Variants in FSTL4 observed in about 807,000 individuals in gnomAD.
The protein encoded by FSTL4 is follistatin-related protein 4.
Under a neutral mutation model 78.2 loss-of-function variants are expected in FSTL4, and 28 were observed. The ratio of observed to expected loss-of-function variants is 0.36; its 90% CI spans 0.27 to 0.49. The LOEUF is 0.49. FSTL4 is among the 20% of genes least tolerant of loss of function. The pLI is 0.98. For missense variants in FSTL4, 922 were observed against 1,084.9 expected, an observed-to-expected ratio of 0.85 and a Z score of 2.11; for synonymous variants, 422 against 440.5, an observed-to-expected ratio of 0.96 and a Z score of 0.53.
intron 3 of FSTL4, among the ~76,000 whole-genome samples, chr5:133,537,869 A>G (rs955910319): frequency 2.2e-4 from 33 of 151,938 alleles, no homozygotes; most frequent in Non-Finnish European, 8.8e-5. Flanking sequence ...ACACATATAT[A>G]TATAAATATA....
intron 3 of FSTL4, among the ~76,000 whole-genome samples, chr5:133,529,047 C>A (rs823980): frequency 1.3e-5 from 2 of 151,676 alleles, no homozygotes; most frequent in Admixed American, 6.6e-5. Context: ...GGATGCTGAT[C>A]CCCAGGGTAA....
chr5:133,349,315 G>GTC (rs1754772076), intron 4 of FSTL4, among the ~76,000 whole-genome samples: 1 of 151,908 alleles, frequency 6.6e-6, no homozygotes, highest in Non-Finnish European at 1.5e-5. Context: ...GTGTGTGTGT[G>GTC]TGTGTGTGTG....
intron 6 of FSTL4, among the ~76,000 whole-genome samples, chr5:133,289,342 T>C (rs978502325): frequency 6.6e-6 from 1 of 152,230 alleles, no homozygotes; most frequent in African/African-American, 2.4e-5. Flanking sequence ...TGTCCAAATA[T>C]ATCCCACCTT....
intron 3 of FSTL4, among the ~76,000 whole-genome samples, chr5:133,443,319 C>T (rs1001026537): frequency 3.9e-5 from 6 of 152,242 alleles, no homozygotes; most frequent in African/African-American, 1.4e-4. Context: ...GAAATTGCAA[C>T]ATTTAAGGAT....
At chr5:133,631,120 A>G in the FSTL4 span, among the ~76,000 whole-genome samples, 3 of 152,306 alleles carry the variant, frequency 2.0e-5, no homozygotes, top group African/African-American at 7.2e-5. Context: ...ACCAAAAACA[A>G]TGGCAACAAA....
chr5:133,477,219 A>G (rs1757942033), intron 3 of FSTL4, among the ~76,000 whole-genome samples: 1 of 152,246 alleles, frequency 6.6e-6, no homozygotes, highest in Non-Finnish European at 1.5e-5. Flanking sequence ...GAAAAAGCTT[A>G]AAATATATTC....
chr5:133,578,472 A>G (rs987971536), intron 2 of FSTL4, among the ~76,000 whole-genome samples: 7 of 152,272 alleles, frequency 4.6e-5, no homozygotes, highest in Non-Finnish European at 7.3e-5. Context: ...AGTTCTGTCC[A>G]GGGCTTTCTG....
chr5:133,600,421 A>G (rs980969019), intron 2 of FSTL4, among the ~76,000 whole-genome samples: 39 of 146,622 alleles, frequency 2.7e-4, no homozygotes, highest in Non-Finnish European at 5.3e-4. Flanking sequence ...TGTAGGATAA[A>G]GGGGGGGGGG....
chr5:133,212,811 C>T (rs530917107), intron 13 of FSTL4, among the ~76,000 whole-genome samples: 15 of 151,734 alleles, frequency 9.9e-5, no homozygotes, highest in African/African-American at 3.4e-4. Context: ...ACAAAGAATG[C>T]CATATGCACA....
the FSTL4 span, among the ~76,000 whole-genome samples, chr5:133,767,258 A>T: frequency 6.6e-6 from 1 of 152,180 alleles, no homozygotes; most frequent in African/African-American, 2.4e-5. Flanking sequence ...TCATTCATTT[A>T]TCGAGAGTGG....
chr5:133,382,413 C>T (rs1437950717), intron 4 of FSTL4, among the ~76,000 whole-genome samples: 6 of 152,204 alleles, frequency 3.9e-5, no homozygotes, highest in Non-Finnish European at 5.9e-5. Flanking sequence ...TAATTTCCAC[C>T]TACTTGTGAT....
chr5:133,496,275 A>G (rs1347191476), intron 3 of FSTL4, among the ~76,000 whole-genome samples: 1 of 152,246 alleles, frequency 6.6e-6, no homozygotes, highest in Non-Finnish European at 1.5e-5. Context: ...AAACAAAGAA[A>G]GCAATCTTGT....
chr5:133,372,271 A>ATGTATGTATCTG (rs1755327769), intron 4 of FSTL4, among the ~76,000 whole-genome samples: 1 of 141,638 alleles, frequency 7.1e-6, no homozygotes, highest in Non-Finnish European at 1.6e-5. Flanking sequence ...GTATGTATGT[A>ATGTATGTATCTG]TCTATCTATC....
intron 6 of FSTL4, among the ~76,000 whole-genome samples, chr5:133,262,757 C>A (rs912566006): frequency 6.6e-6 from 1 of 152,178 alleles, no homozygotes; most frequent in Non-Finnish European, 1.5e-5. Context: ...CTCCAAGAGG[C>A]CCCCAGCTGA....
chr5:133,551,846 G>T (rs184696476), intron 3 of FSTL4, among the ~76,000 whole-genome samples: 3 of 152,120 alleles, frequency 2.0e-5, no homozygotes. Flanking sequence ...TGCAATATAC[G>T]CGGAATGTCT....
At chr5:133,589,749 C>T (rs1255061976) in intron 2 of FSTL4, among the ~76,000 whole-genome samples, 2 of 152,076 alleles carry the variant, frequency 1.3e-5, no homozygotes, top group African/African-American at 4.8e-5. Context: ...AGCTCAATGT[C>T]ATCAAATGTC....
chr5:133,672,904 C>T, the FSTL4 span, among the ~76,000 whole-genome samples: 1 of 152,144 alleles, frequency 6.6e-6, no homozygotes, highest in South Asian at 2.1e-4. Flanking sequence ...GACATGTGCC[C>T]AAGACGGTCA....
chr5:133,696,309 C>G, the FSTL4 span, among the ~76,000 whole-genome samples: 1 of 152,238 alleles, frequency 6.6e-6, no homozygotes, highest in East Asian at 1.9e-4. Flanking sequence ...GTCTGGGGCT[C>G]TGAGCTTTGC....
the FSTL4 span, among the ~76,000 whole-genome samples, chr5:133,746,556 A>G: frequency 6.6e-6 from 1 of 152,200 alleles, no homozygotes; most frequent in East Asian, 1.9e-4. Context: ...CTGGATAGAA[A>G]AAATAATTTT....
Sources: allele counts gnomAD v4.1 joint callset (sites outside exome capture counted in the v4.1 genomes callset), GRCh38; gene constraint gnomAD v4.1.1; transcripts MANE v1.5; gene names NCBI Gene and HGNC (gene_info 2026-07-23, HGNC 2026-07-21).